Variants in ZCCHC2 observed in about 807,000 individuals in gnomAD.
The protein encoded by ZCCHC2 is zinc finger CCHC-type containing 2.
A neutral mutation model predicts 103.6 loss-of-function variants in ZCCHC2; 39 were observed. That is an observed-to-expected ratio of 0.38 (90% confidence interval 0.29 to 0.49). ZCCHC2 has a LOEUF of 0.49. Ranked by LOEUF, ZCCHC2 falls within the 20% of genes least tolerant of loss-of-function variation. ZCCHC2 has a pLI of 0.96. For synonymous variants in ZCCHC2, 687 were observed against 608.9 expected, an observed-to-expected ratio of 1.13 and a Z score of -1.89; for missense variants, 1,483 against 1,491.0, an observed-to-expected ratio of 0.99 and a Z score of 0.09.
chr18:62,539,643 A>C, intron 1 of ZCCHC2, 38 bp from the exon 2 acceptor site: 1 of 1,510,360 alleles, frequency 6.6e-7, no homozygotes. Context: ...CTCTTAGTCC[A>C]TGGTTTAAGT....
downstream of ZCCHC2, among the ~76,000 whole-genome samples, chr18:62,580,043 TTTAC>T (rs1479580509): frequency 6.6e-6 from 1 of 152,240 alleles, no homozygotes; most frequent in Admixed American, 6.5e-5. Context: ...CTGTTACTCT[TTTAC>T]TTGTTTATTT....
At chr18:62,567,307 G>A (rs973057302) in intron 11 of ZCCHC2, among the ~76,000 whole-genome samples, 2 of 152,220 alleles carry the variant, frequency 1.3e-5, no homozygotes, top group African/African-American at 4.8e-5. Context: ...AAATTGGAGA[G>A]ACATTGTCTT....
At chr18:62,564,708 C>A in intron 10 of ZCCHC2, 73 bp downstream of exon 10, 1 of 1,128,502 alleles carries the variant, frequency 8.9e-7, no homozygotes, top group Non-Finnish European at 1.2e-6. Flanking sequence ...TAGTATACAA[C>A]ATAGTATTTT....
intron 12 of ZCCHC2, among the ~76,000 whole-genome samples, chr18:62,573,602 G>T (rs1318828905): frequency 1.3e-5 from 2 of 152,074 alleles, no homozygotes; most frequent in Admixed American, 6.5e-5. Context: ...TCTGTTCCCT[G>T]CCTCTAGATA....
At chr18:62,567,875 G>A (rs1475393263) in intron 11 of ZCCHC2, among the ~76,000 whole-genome samples, 1 of 145,056 alleles carries the variant, frequency 6.9e-6, no homozygotes, top group Non-Finnish European at 1.5e-5. Flanking sequence ...AACCCGGGAG[G>A]TGGAGGTTAC....
Position 62,563,384 on chromosome 18 carries a change from C to T in ZCCHC2, c.1686+240C>T, listed in dbSNP as rs578159711. Among the ~76,000 whole-genome samples the T allele has an allele frequency of 7.2e-4, 109 of 152,238 alleles. 1 individual carries two copies. The highest frequency in any genetic ancestry group is 1.1e-3 in the African/African-American group (47 of 41,524). On this transcript the variant is annotated intron_variant, in intron 9 of 13. Coordinates refer to ENST00000269499, the MANE Select transcript of ZCCHC2 (RefSeq NM_017742.6). The stretch of plus-strand genomic sequence containing the variant: ...CACTTTAATATGACACCTTCCCAGG[C>T]GCCATGGGTCACGCTTCTAATCCCA...
chr18:62,566,405 A>G (rs1050985830), intron 11 of ZCCHC2, among the ~76,000 whole-genome samples: 2 of 152,212 alleles, frequency 1.3e-5, no homozygotes, highest in African/African-American at 4.8e-5. Context: ...TGGCGATGGC[A>G]GCTTAACGGA....
chr18:62,545,989 G>A (rs1023959843), intron 4 of ZCCHC2, among the ~76,000 whole-genome samples: 3 of 152,198 alleles, frequency 2.0e-5, no homozygotes, highest in African/African-American at 4.8e-5. Flanking sequence ...GAATGAAGTA[G>A]CACCCAGGGA....
At chr18:62,529,683 T>C (rs1006867586) in intron 1 of ZCCHC2, among the ~76,000 whole-genome samples, 6 of 152,174 alleles carry the variant, frequency 3.9e-5, no homozygotes, top group African/African-American at 1.4e-4. Context: ...TATGCAGTCA[T>C]TTTCCAGGTA....
rs550563151 is a variant in ZCCHC2 at position 62,543,943 on chromosome 18, G to T, written c.1129-859G>T. Among the ~76,000 whole-genome samples the T allele has an allele frequency of 4.6e-5, 7 of 152,284 alleles. No homozygotes were observed. In the South Asian group the frequency reaches 1.5e-3, roughly 32 times the overall value. On this transcript the variant is annotated intron_variant, in intron 3 of 13. Transcript: ENST00000269499. ...TACTATCACTTAAGAAATGTAATGT[G>T]CCAGTAAAGTAAATAAATGTGCCAG... is the stretch of plus-strand genomic sequence containing the variant.
Position 62,574,864 on chromosome 18 carries a change from T to TACCCAGC in ZCCHC2, c.2784_2790dup (p.Gln931ThrfsTer56). 6.2e-7 allele frequency: 1 copy of TACCCAGC among 1,613,888 alleles called. No individual in the cohort carries two copies. The highest frequency in any genetic ancestry group is 8.5e-7 in the Non-Finnish European group (1 of 1,179,878). On this transcript the variant is annotated frameshift_variant, in exon 13 of 14. Coordinates refer to ENST00000269499, the MANE Select transcript of ZCCHC2 (RefSeq NM_017742.6). LOFTEE classifies it high-confidence loss of function. ...GGCTCTCCCCTTGCTGCCGGCGTGTTACCCAGCCAGAACTCCAGTGTGCTC... is the reference window on the plus strand; with the variant it reads ...GGCTCTCCCCTTGCTGCCGGCGTGTTACCCAGCACCCAGCCAGAACTCCAGTGTGCTC...
chr18:62,528,464 T>C (rs1420709331), intron 1 of ZCCHC2, among the ~76,000 whole-genome samples: 2 of 152,144 alleles, frequency 1.3e-5, no homozygotes, highest in Admixed American at 6.5e-5. Flanking sequence ...CCGGGCATGG[T>C]GGCACATGCC....
At chr18:62,539,900 A>G (rs763474478) in intron 2 of ZCCHC2, 108 bp downstream of exon 2, 34 of 868,456 alleles carry the variant, frequency 3.9e-5, no homozygotes, top group Non-Finnish European at 5.9e-5. Context: ...TGAAGTGGAG[A>G]AGTCCTACTG....
rs569738022 is a variant in ZCCHC2 at position 62,569,207 on chromosome 18, A to G, written c.1847-896A>G. Among the ~76,000 whole-genome samples the G allele has an allele frequency of 1.2e-4, 19 of 152,302 alleles. 1 individual carries two copies. The South Asian group carries it at 3.5e-3, about 28-fold the overall frequency. On this transcript the variant is annotated intron_variant, in intron 11 of 13. Coordinates refer to ENST00000269499, the MANE Select transcript of ZCCHC2 (RefSeq NM_017742.6). Reference sequence around the variant, plus strand: ...GTTTAACAGTCTTAACACTGTTACAAATTTATCCCAGCCAAAACCACAAGT... The same window carrying G: ...GTTTAACAGTCTTAACACTGTTACAGATTTATCCCAGCCAAAACCACAAGT...
At chr18:62,586,384 C>G (rs1437790339) in exon 15 of ZCCHC2, 5 of 151,874 alleles carry the variant, frequency 3.3e-5, no homozygotes, top group African/African-American at 1.2e-4. Flanking sequence ...GGGGCAGCAT[C>G]AGCACGGGTC....
chr18:62,559,627 A>G (rs1916033540), intron 7 of ZCCHC2, among the ~76,000 whole-genome samples: 1 of 152,230 alleles, frequency 6.6e-6, no homozygotes, highest in African/African-American at 2.4e-5. Flanking sequence ...TGCATCTATG[A>G]GAATTGTTAC....
In ZCCHC2 at chr18:62,524,481, C is replaced by A. The variant is rs901674557; in HGVS notation, c.939+118C>A. ...CAGCCCGGCGCAGGTGGCTCGGAAT[C>A]CCCACCCGGCAGCTCCCAGCGCCAG... is the stretch of plus-strand genomic sequence containing the variant. On this transcript the variant is annotated intron_variant, in intron 1 of 13. Transcript: ENST00000269499. 9 of 1,373,014 alleles carry A rather than the reference C, an allele frequency of 6.6e-6. No homozygotes were observed. The African/African-American group carries it at 1.1e-4, about 16-fold the overall frequency. The allele number at this position is 1,373,014 out of a possible 1,614,324, so 85.1% of individuals were successfully genotyped here. A position where few individuals can be genotyped will look rare whatever the true frequency, so the allele number is the denominator to read the frequency against.
chr18:62,575,110 G>T lies in ZCCHC2; in HGVS notation c.3029G>T (p.Gly1010Val). Residue 1010 changes from glycine to valine, a missense_variant, in exon 13 of 14, where the codon GGT becomes GTT. Around this residue, in one of 3 missense-constraint regions of ZCCHC2, gnomAD observed 884 missense variants for 907.5 expected, o/e 0.97. Transcript: ENST00000269499. ...TVVPPQQMGS[G>V]PCGSCGRRCS... ...GTGCCACCGCAGCAGATGGGCTCAG[G>T]TCCTTGTGGTTCTTGTGGGCGAAGG... is the stretch of plus-strand genomic sequence containing the variant. 1 of 1,614,026 alleles carries T rather than the reference G, an allele frequency of 6.2e-7. No individual in the cohort carries two copies. Among genetic ancestry groups the T allele is most frequent in the Non-Finnish European group, 8.5e-7 (1 of 1,179,898 alleles).
intron 13 of ZCCHC2, 113 bp from the exon 14 acceptor site, chr18:62,576,399 A>C: frequency 3.7e-6 from 3 of 819,238 alleles, no homozygotes; most frequent in African/African-American, 1.7e-5. Context: ...GAGTGGCACT[A>C]GAGCTGACGA....
Sources: allele counts gnomAD v4.1 joint callset (sites outside exome capture counted in the v4.1 genomes callset), GRCh38; gene constraint gnomAD v4.1.1; regional missense constraint gnomAD v4.1.1; transcripts MANE v1.5; gene names NCBI Gene and HGNC (gene_info 2026-07-23, HGNC 2026-07-21).